Variants in PIK3CB observed in about 807,000 individuals in gnomAD.
PIK3CB encodes the protein phosphatidylinositol 4,5-bisphosphate 3-kinase catalytic subunit beta isoform.
In PIK3CB, 39 loss-of-function variants were observed where a neutral mutation model predicts 136.8. That is an observed-to-expected ratio of 0.29 (90% CI 0.22 to 0.37). The LOEUF is 0.37. PIK3CB is among the 10% of genes least tolerant of loss of function. The pLI, the probability that PIK3CB is intolerant of heterozygous loss-of-function variation, is 1.00. For missense variants in PIK3CB, 868 were observed against 1,275.4 expected, an observed-to-expected ratio of 0.68 and a Z score of 4.87; for synonymous variants, 428 against 436.6, an observed-to-expected ratio of 0.98 and a Z score of 0.25.
intron 16 of PIK3CB, among the ~76,000 whole-genome samples, chr3:138,687,118 A>G (rs867043720): frequency 6.6e-6 from 1 of 152,162 alleles, no homozygotes; most frequent in Non-Finnish European, 1.5e-5. Flanking sequence ...TACCCCATGG[A>G]CATAAGTCTA....
chr3:138,776,922 C>CAAAAAAAAAA (rs11435742), intron 2 of PIK3CB, among the ~76,000 whole-genome samples: 1 of 57,404 alleles, frequency 1.7e-5, no homozygotes, highest in Non-Finnish European at 3.6e-5. Flanking sequence ...GACTCTACCT[C>CAAAAAAAAAA]AAAAAAAAAA....
chr3:138,719,590 C>G (rs2044685350), intron 8 of PIK3CB, among the ~76,000 whole-genome samples: 1 of 152,054 alleles, frequency 6.6e-6, no homozygotes, highest in African/African-American at 2.4e-5. Context: ...TAAGTGAAGG[C>G]ATATTAAGAC....
intron 19 of PIK3CB, among the ~76,000 whole-genome samples, chr3:138,666,967 C>G (rs895232594): frequency 3.3e-5 from 5 of 152,000 alleles, no homozygotes; most frequent in African/African-American, 1.2e-4. Flanking sequence ...TTTGGGAGAC[C>G]AACGTGGGTG....
At chr3:138,789,357 G>A (rs2046022697) in intron 2 of PIK3CB, among the ~76,000 whole-genome samples, 2 of 152,278 alleles carry the variant, frequency 1.3e-5, no homozygotes, top group African/African-American at 2.4e-5. Flanking sequence ...TACTCAGGAG[G>A]CTGAGGTGGG....
chr3:138,767,490 A>G (rs2045747511), intron 2 of PIK3CB, among the ~76,000 whole-genome samples: 1 of 152,148 alleles, frequency 6.6e-6, no homozygotes, highest in Admixed American at 6.5e-5. Context: ...GGCCAGAAAC[A>G]TCTGTGGCCA....
chr3:138,718,801 G>C (rs2044665410), intron 8 of PIK3CB, among the ~76,000 whole-genome samples: 1 of 152,282 alleles, frequency 6.6e-6, no homozygotes, highest in African/African-American at 2.4e-5. Flanking sequence ...TGAATAGGGA[G>C]TCTTTTCCCC....
chr3:138,677,081 G>T (rs1176605872), intron 19 of PIK3CB, among the ~76,000 whole-genome samples: 1 of 141,108 alleles, frequency 7.1e-6, no homozygotes, highest in Non-Finnish European at 1.5e-5. Flanking sequence ...TTTTGAGATG[G>T]AGCTTCGCTC....
intron 8 of PIK3CB, among the ~76,000 whole-genome samples, chr3:138,731,420 G>C (rs1257146515): frequency 6.6e-6 from 1 of 151,420 alleles, no homozygotes; most frequent in East Asian, 2.0e-4. Flanking sequence ...ACCCAGCTAA[G>C]CTTTGTATTT....
At chr3:138,761,288 T>G (rs1046386917) in intron 2 of PIK3CB, among the ~76,000 whole-genome samples, 5 of 152,162 alleles carry the variant, frequency 3.3e-5, no homozygotes, top group Non-Finnish European at 7.3e-5. Context: ...GAGAAAAAAG[T>G]TAAATACTTC....
At chr3:138,726,568 A>C (rs2044841613) in intron 8 of PIK3CB, among the ~76,000 whole-genome samples, 1 of 152,204 alleles carries the variant, frequency 6.6e-6, no homozygotes, top group Admixed American at 6.5e-5. Flanking sequence ...GCAGAAGAGA[A>C]AAAAGAAACA....
chr3:138,711,465 G>A (rs2044496066), intron 10 of PIK3CB, among the ~76,000 whole-genome samples: 1 of 150,752 alleles, frequency 6.6e-6, no homozygotes, highest in Non-Finnish European at 1.5e-5. Flanking sequence ...TGTAATCCCA[G>A]CTAGCAGGGA....
In PIK3CB at chr3:138,691,056, T is replaced by C. The variant is rs150951473; in HGVS notation, c.1980A>G (p.Leu660=). The change falls in exon 15 of 24, where the codon CTA becomes CTG. Residue 660 remains leucine (L), a synonymous_variant. Coordinates refer to ENST00000674063, the MANE Select transcript of PIK3CB (RefSeq NM_006219.3). ...PFLDCALSRF[L]LERALGNRRI... ...TCCGATTACCAAGTGCTCTTTCTAATAGGAATCTAGAGAGGGCACAATCAA... is the reference window on the plus strand; with the variant it reads ...TCCGATTACCAAGTGCTCTTTCTAACAGGAATCTAGAGAGGGCACAATCAA... 110 of 1,612,144 alleles carry C rather than the reference T, an allele frequency of 6.8e-5. 1 individual carries two copies. The African/African-American group carries it at 1.3e-3, about 20-fold the overall frequency.
intron 2 of PIK3CB, among the ~76,000 whole-genome samples, chr3:138,777,490 G>T (rs1391782770): frequency 6.6e-6 from 1 of 152,172 alleles, no homozygotes; most frequent in Non-Finnish European, 1.5e-5. Flanking sequence ...CCAAACTTCT[G>T]AGTGAAGAAG....
chr3:138,817,887 T>C (rs1346775065), intron 1 of PIK3CB, among the ~76,000 whole-genome samples: 3 of 152,012 alleles, frequency 2.0e-5, no homozygotes, highest in Non-Finnish European at 4.4e-5. Context: ...GCCCTGGAGT[T>C]TGAGGCTGCA....
At chr3:138,785,567 T>C (rs1394934893) in intron 2 of PIK3CB, among the ~76,000 whole-genome samples, 4 of 152,170 alleles carry the variant, frequency 2.6e-5, no homozygotes, top group Admixed American at 6.5e-5. Flanking sequence ...CAGGGTTAAA[T>C]GGATTAAGGA....
intron 1 of PIK3CB, among the ~76,000 whole-genome samples, chr3:138,830,947 ATAAT>A (rs1175578790): frequency 1.4e-5 from 2 of 145,782 alleles, no homozygotes; most frequent in African/African-American, 5.1e-5. Flanking sequence ...AATAATAATA[ATAAT>A]AAAGCAGGAA....
chr3:138,806,379 T>C (rs900465898), intron 1 of PIK3CB, among the ~76,000 whole-genome samples: 1 of 151,990 alleles, frequency 6.6e-6, no homozygotes, highest in African/African-American at 2.4e-5. Context: ...CCAGCTACTC[T>C]GTAGGCTGAG....
intron 16 of PIK3CB, 49 bp downstream of exon 16, chr3:138,688,826 C>A (rs578226538): frequency 1.8e-6 from 2 of 1,112,774 alleles, no homozygotes; most frequent in Admixed American, 3.6e-5. Context: ...ATGCTTTAAA[C>A]GTTGTCTGTC....
chr3:138,828,015 G>T (rs1336895121), intron 1 of PIK3CB, among the ~76,000 whole-genome samples: 1 of 151,542 alleles, frequency 6.6e-6, no homozygotes, highest in Non-Finnish European at 1.5e-5. Context: ...ACAAAAAAAG[G>T]TACCTGATAG....
Sources: allele counts gnomAD v4.1 joint callset (sites outside exome capture counted in the v4.1 genomes callset), GRCh38; gene constraint gnomAD v4.1.1; transcripts MANE v1.5; gene names NCBI Gene and HGNC (gene_info 2026-07-23, HGNC 2026-07-21).